NCALD: variants seen among roughly 807,000 people sequenced by gnomAD.
NCALD encodes the protein neurocalcin delta.
NCALD carries 10 observed loss-of-function variants against 18.6 expected under a neutral mutation model. The ratio of observed to expected loss-of-function variants is 0.54; its 90% CI spans 0.33 to 0.91. The LOEUF is 0.91. Among genes scored for constraint, NCALD ranks in the 40% least tolerant of loss-of-function variants. NCALD has a pLI of 0.03. For synonymous variants in NCALD, 88 were observed against 87.4 expected (o/e 1.01, Z -0.04); for missense variants, 184 against 247.6 (o/e 0.74, Z 1.72).
At chr8:102,049,778 T>C (rs369770287) in intron 1 of NCALD, among the ~76,000 whole-genome samples, 10 of 152,208 alleles carry the variant, frequency 6.6e-5, no homozygotes, top group Non-Finnish European at 1.3e-4. Flanking sequence ...TCCCTAATGA[T>C]AGATTATGTT....
chr8:102,042,909 T>C (rs1379652453), intron 1 of NCALD, among the ~76,000 whole-genome samples: 1 of 151,846 alleles, frequency 6.6e-6, no homozygotes, highest in Non-Finnish European at 1.5e-5. Context: ...CAAGGCTATC[T>C]AACAACAGTG....
At chr8:102,089,573 G>A (rs548774083) in intron 1 of NCALD, among the ~76,000 whole-genome samples, 20 of 152,156 alleles carry the variant, frequency 1.3e-4, no homozygotes, top group East Asian at 7.7e-4. Context: ...AGTAAAAAGC[G>A]TAATGCCTTT....
At chr8:101,858,922 T>C (rs1050700862) in intron 4 of NCALD, among the ~76,000 whole-genome samples, 7 of 152,038 alleles carry the variant, frequency 4.6e-5, no homozygotes, top group African/African-American at 1.4e-4. Context: ...AAACAAAAAA[T>C]GTCAGAGGCA....
chr8:101,779,027 C>T (rs928518076), intron 1 of NCALD, among the ~76,000 whole-genome samples: 8 of 152,106 alleles, frequency 5.3e-5, no homozygotes. Context: ...GCAGACTCTG[C>T]ATCTGCTTTC....
At chr8:101,818,991 G>A (rs1022429219) in intron 4 of NCALD, among the ~76,000 whole-genome samples, 3 of 152,216 alleles carry the variant, frequency 2.0e-5, no homozygotes, top group Admixed American at 2.0e-4. Context: ...GCAACAGAGT[G>A]AGACTCCATC....
intron 2 of NCALD, among the ~76,000 whole-genome samples, chr8:101,698,794 G>T (rs1171663808): frequency 1.3e-5 from 2 of 152,102 alleles, no homozygotes; most frequent in Non-Finnish European, 2.9e-5. Context: ...ATAGATTAAA[G>T]ACTTAACTGT....
intron 2 of NCALD, among the ~76,000 whole-genome samples, chr8:102,006,367 A>AT (rs1460103341): frequency 1.3e-5 from 2 of 152,162 alleles, no homozygotes; most frequent in Non-Finnish European, 2.9e-5. Flanking sequence ...ATAAATTAAT[A>AT]AACAGAGCAC....
intron 2 of NCALD, among the ~76,000 whole-genome samples, chr8:101,996,229 C>T (rs534607594): frequency 1.3e-5 from 2 of 152,328 alleles, no homozygotes; most frequent in Admixed American, 1.3e-4. Context: ...ATATTAGGAG[C>T]CACATCTAAC....
At chr8:101,839,804 G>A (rs1311044636) in intron 4 of NCALD, among the ~76,000 whole-genome samples, 1 of 151,900 alleles carries the variant, frequency 6.6e-6, no homozygotes, top group Admixed American at 6.6e-5. Context: ...GATGGTCAGG[G>A]TAATGAGGAA....
At chr8:102,096,991 C>T (rs959820904) in intron 1 of NCALD, among the ~76,000 whole-genome samples, 1 of 152,158 alleles carries the variant, frequency 6.6e-6, no homozygotes, top group Non-Finnish European at 1.5e-5. Context: ...TTCTGAGGTA[C>T]TGGGGGCCTA....
chr8:101,868,669 G>A (rs1480180828), intron 4 of NCALD, among the ~76,000 whole-genome samples: 1 of 152,128 alleles, frequency 6.6e-6, no homozygotes, highest in Non-Finnish European at 1.5e-5. Flanking sequence ...GAGAAGCACA[G>A]ACCAAAAACA....
intron 1 of NCALD, among the ~76,000 whole-genome samples, chr8:101,724,148 C>A (rs1048001799): frequency 6.6e-6 from 1 of 152,184 alleles, no homozygotes; most frequent in Admixed American, 6.5e-5. Context: ...ACTTAACATT[C>A]TTGAATGACC....
chr8:102,011,013 G>C (rs1821886474), intron 2 of NCALD, among the ~76,000 whole-genome samples: 1 of 152,168 alleles, frequency 6.6e-6, no homozygotes, highest in Non-Finnish European at 1.5e-5. Flanking sequence ...TGTCACGTCT[G>C]GTTCCTTTTT....
At chr8:102,103,650 G>A (rs1046951959) in intron 1 of NCALD, among the ~76,000 whole-genome samples, 2 of 152,246 alleles carry the variant, frequency 1.3e-5, no homozygotes, top group East Asian at 1.9e-4. Flanking sequence ...GACCTCATGG[G>A]CTCAAGCAAT....
chr8:101,904,073 G>A (rs1331289879), intron 3 of NCALD, among the ~76,000 whole-genome samples: 3 of 152,194 alleles, frequency 2.0e-5, no homozygotes, highest in Non-Finnish European at 4.4e-5. Flanking sequence ...GAATAAAATG[G>A]AGGACAGTAA....
intron 2 of NCALD, among the ~76,000 whole-genome samples, chr8:101,958,434 C>T (rs981092090): frequency 2.6e-5 from 4 of 152,012 alleles, no homozygotes; most frequent in Admixed American, 2.0e-4. Flanking sequence ...AGGGAGGAAT[C>T]GAGCCCAAGG....
chr8:101,751,776 C>T (rs1012503296), intron 1 of NCALD, among the ~76,000 whole-genome samples: 2 of 152,150 alleles, frequency 1.3e-5, no homozygotes, highest in Non-Finnish European at 2.9e-5. Flanking sequence ...GTGATTTCTG[C>T]TTATTCGGGA....
intron 1 of NCALD, chr8:102,123,811 C>A: frequency 1.3e-5 from 2 of 150,830 alleles, no homozygotes; most frequent in South Asian, 3.9e-4. Context: ...AGCGGGTGCC[C>A]CGGCCCCCGG....
chr8:101,856,859 C>G (rs16868562), intron 4 of NCALD, among the ~76,000 whole-genome samples: 2,213 of 152,208 alleles, frequency 0.015, 64 homozygotes, highest in African/African-American at 0.048. Context: ...CTGCTCCTGG[C>G]AAATTGCTGC....
Sources: allele counts gnomAD v4.1 joint callset (sites outside exome capture counted in the v4.1 genomes callset), GRCh38; gene constraint gnomAD v4.1.1; transcripts MANE v1.5; gene names NCBI Gene and HGNC (gene_info 2026-07-23, HGNC 2026-07-21).